Variants in MAGT1 observed in about 807,000 individuals in gnomAD.
The protein encoded by MAGT1 is magnesium transporter 1.
Under a neutral mutation model 28.4 loss-of-function variants are expected in MAGT1, and 4 were observed. The ratio of observed to expected loss-of-function variants is 0.14; its 90% confidence interval spans 0.07 to 0.32. MAGT1 has a LOEUF of 0.32. Among genes scored for constraint, MAGT1 ranks in the 10% least tolerant of loss-of-function variants. The probability of loss-of-function intolerance (pLI) is 1.00; values close to 1 mark genes in which losing one functional copy is unlikely to be tolerated. For synonymous variants in MAGT1, 89 were observed against 89.7 expected, an observed-to-expected ratio of 0.99 and a Z score of 0.04; for missense variants, 193 against 264.5, an observed-to-expected ratio of 0.73 and a Z score of 1.88.
intron 7 of MAGT1, among the ~76,000 whole-genome samples, chrX:77,845,504 C>A (rs781947761): frequency 4.5e-5 from 5 of 111,465 alleles, no homozygotes; most frequent in Non-Finnish European, 9.4e-5. Flanking sequence ...TTATTTTGCT[C>A]GTTAGTTGAT....
intron 1 of MAGT1, among the ~76,000 whole-genome samples, chrX:77,882,358 G>C (rs1320579592): frequency 9.0e-6 from 1 of 111,572 alleles, no homozygotes; most frequent in Non-Finnish European, 1.9e-5. Context: ...AAGTCAAATT[G>C]TCCCTGTTTG....
At chrX:77,847,375 G>A (rs1048494509) in intron 7 of MAGT1, among the ~76,000 whole-genome samples, 2 of 112,225 alleles carry the variant, frequency 1.8e-5, no homozygotes, top group Admixed American at 9.4e-5. Context: ...GACCCCTTGC[G>A]CTTCCCGGGT....
chrX:77,883,340 T>A (rs2077058639), intron 1 of MAGT1, among the ~76,000 whole-genome samples: 1 of 105,607 alleles, frequency 9.5e-6, no homozygotes, highest in South Asian at 3.9e-4. Context: ...GTATAATAAT[T>A]ATTGTAATAT....
chrX:77,840,769 A>C (rs1337027165), intron 8 of MAGT1, among the ~76,000 whole-genome samples: 1 of 111,615 alleles, frequency 9.0e-6, no homozygotes, highest in Non-Finnish European at 1.9e-5. Flanking sequence ...GCTTGAGCCT[A>C]GGGGCGGAGG....
chrX:77,862,943 G>A (rs1603362339), intron 3 of MAGT1, among the ~76,000 whole-genome samples: 1 of 110,865 alleles, frequency 9.0e-6, no homozygotes, highest in East Asian at 2.8e-4. Context: ...GAGGCGGGTG[G>A]ATCACCTGAG....
Position 77,852,765 on chromosome X carries a change from G to T in MAGT1, c.826+1136C>A, listed in dbSNP as rs183040328. On this transcript the variant is annotated intron_variant, in intron 7 of 9. Coordinates refer to ENST00000618282, the MANE Select transcript of MAGT1 (RefSeq NM_001367916.1). ...CATCACCATACTTGGCTAATTTTTT[G>T]TGTGTATTTTTTTGTAGAGATGGGG... Among the ~76,000 whole-genome samples, 82 of 109,920 alleles carry T rather than the reference G, an allele frequency of 7.5e-4. 1 individual carries two copies. Among genetic ancestry groups the T allele is most frequent in the African/African-American group, 2.3e-3 (69 of 30,302 alleles).
chrX:77,885,819 A>C (rs923173563), intron 1 of MAGT1, among the ~76,000 whole-genome samples: 2 of 110,279 alleles, frequency 1.8e-5, no homozygotes, highest in African/African-American at 6.6e-5. Flanking sequence ...GTCTCTACTA[A>C]CATTACAAAA....
chrX:77,835,994 G>A lies in MAGT1; in HGVS notation c.902-5099C>T, dbSNP rs1308251738. 4.5e-5 allele frequency among the ~76,000 whole-genome samples: 5 copies of A among 110,892 alleles called. No individual in the cohort carries two copies. In the East Asian group the frequency reaches 8.5e-4, roughly 19 times the overall value. On this transcript the variant is annotated intron_variant, in intron 8 of 9. Coordinates refer to ENST00000618282, the MANE Select transcript of MAGT1 (RefSeq NM_001367916.1). ...AATTTTTGTATTTTAGTAGATACGG[G>A]GTTTTACCACGTTGGCCAGGGTAGT...
chrX:77,847,601 A>C (rs1351504899), intron 7 of MAGT1, among the ~76,000 whole-genome samples: 4 of 98,183 alleles, frequency 4.1e-5, no homozygotes, highest in Admixed American at 1.1e-4. Context: ...TAATGTGATC[A>C]TTTCTTTCTT....
intron 7 of MAGT1, among the ~76,000 whole-genome samples, chrX:77,847,954 C>T (rs1276859152): frequency 1.8e-5 from 2 of 111,400 alleles, no homozygotes; most frequent in Admixed American, 9.6e-5. Flanking sequence ...TGGGTACTCT[C>T]TGATTAATGA....
rs782414984 is a variant in MAGT1 at position 77,885,061 on chromosome X, C to CA, written c.103-9465dup. On this transcript the variant is annotated intron_variant, in intron 1 of 9. Transcript: ENST00000618282. ...TGGGTGACACAGCGAGACTCCATCTCAAAAAAAAAAAAAAAAAGAGAGAGA... is the reference window on the plus strand; with the variant it reads ...TGGGTGACACAGCGAGACTCCATCTCAAAAAAAAAAAAAAAAAAGAGAGAGA... Among the ~76,000 whole-genome samples, 455 of 52,265 alleles carry CA rather than the reference C, an allele frequency of 8.7e-3. 2 individuals are homozygous for CA. The highest frequency in any genetic ancestry group is 0.035 in the Middle Eastern group (3 of 85). 45.4% of individuals were successfully genotyped at this position (52,265 alleles called of 115,157 possible).
At chrX:77,876,613 G>A (rs1363267719) in intron 1 of MAGT1, among the ~76,000 whole-genome samples, 1 of 111,685 alleles carries the variant, frequency 9.0e-6, no homozygotes, top group Non-Finnish European at 1.9e-5. Context: ...AAATGATTTT[G>A]CACAAAGGTG....
intron 8 of MAGT1, among the ~76,000 whole-genome samples, chrX:77,834,310 G>GTA (rs1419669493): frequency 2.0e-5 from 2 of 100,380 alleles, no homozygotes; most frequent in African/African-American, 3.6e-5. Flanking sequence ...ATACATGTGT[G>GTA]TATATATATG....
At chrX:77,849,722 A>C (rs891342583) in intron 7 of MAGT1, among the ~76,000 whole-genome samples, 7 of 109,150 alleles carry the variant, frequency 6.4e-5, no homozygotes, top group Admixed American at 4.0e-4. Flanking sequence ...AATATCAAAA[A>C]AACTTAGCCA....
chrX:77,878,753 G>A (rs1370801661), intron 1 of MAGT1, among the ~76,000 whole-genome samples: 1 of 96,867 alleles, frequency 1.0e-5, no homozygotes, highest in Non-Finnish European at 2.0e-5. Context: ...TCGTGCCACT[G>A]CACTCCAGCC....
chrX:77,850,302 CCT>C (rs1344660516), intron 7 of MAGT1, among the ~76,000 whole-genome samples: 8 of 109,369 alleles, frequency 7.3e-5, no homozygotes, highest in Non-Finnish European at 1.1e-4. Flanking sequence ...CTGGTGAAAC[CCT>C]GTCTCTACTA....
chrX:77,865,005 C>G (rs782778370), intron 3 of MAGT1, among the ~76,000 whole-genome samples: 23 of 111,877 alleles, frequency 2.1e-4, no homozygotes, highest in Non-Finnish European at 3.6e-4. Context: ...AGCCACCATG[C>G]CTGGCCTCAA....
At chrX:77,862,740 A>ATTC (rs1477005843) in intron 3 of MAGT1, among the ~76,000 whole-genome samples, 5 of 111,574 alleles carry the variant, frequency 4.5e-5, no homozygotes, top group Non-Finnish European at 3.8e-5. Context: ...TATTATTATT[A>ATTC]TTAGAAAAGC....
intron 9 of MAGT1, 83 bp from the exon 10 acceptor site, chrX:77,829,318 T>C: frequency 1.2e-6 from 1 of 849,770 alleles, no homozygotes; most frequent in Admixed American, 2.4e-5. Flanking sequence ...TATGTTGGTT[T>C]TAACAGATAA....
Sources: allele counts gnomAD v4.1 joint callset (sites outside exome capture counted in the v4.1 genomes callset), GRCh38; gene constraint gnomAD v4.1.1; transcripts MANE v1.5; gene names NCBI Gene and HGNC (gene_info 2026-07-23, HGNC 2026-07-21).